Variants in SMAD3 observed in about 807,000 individuals in gnomAD.
SMAD3 encodes the protein MAD homolog 3.
Under a neutral mutation model 51.8 loss-of-function variants are expected in SMAD3, and 12 were observed. The ratio of observed to expected loss-of-function variants is 0.23; its 90% CI spans 0.15 to 0.38. The LOEUF is 0.38. Among genes scored for constraint, SMAD3 ranks in the 10% least tolerant of loss-of-function variants. The pLI is 1.00. For missense variants in SMAD3, 294 were observed against 565.6 expected (o/e 0.52, Z 4.87); for synonymous variants, 238 against 227.7 (o/e 1.05, Z -0.41).
intron 1 of SMAD3, among the ~76,000 whole-genome samples, chr15:67,136,255 G>A (rs1234921419): frequency 6.6e-6 from 1 of 152,010 alleles, no homozygotes; most frequent in Non-Finnish European, 1.5e-5. Context: ...ATACATTAAA[G>A]ATTGTGCCAT....
chr15:67,108,718 C>T (rs1338770234), intron 1 of SMAD3, among the ~76,000 whole-genome samples: 1 of 152,204 alleles, frequency 6.6e-6, no homozygotes, highest in Non-Finnish European at 1.5e-5. Flanking sequence ...TCATCTGGAC[C>T]ACAGCTCCCT....
intron 1 of SMAD3, chr15:67,138,227 G>A: frequency 1.4e-6 from 1 of 713,776 alleles, no homozygotes; most frequent in South Asian, 1.7e-5. Flanking sequence ...GTGGGGATGT[G>A]GACTCTTAGG....
chr15:67,121,366 C>T (rs1033893548), intron 1 of SMAD3, among the ~76,000 whole-genome samples: 9 of 152,170 alleles, frequency 5.9e-5, no homozygotes, highest in African/African-American at 1.4e-4. Flanking sequence ...CTGAGGGCAT[C>T]GTGGGTGGCT....
intron 1 of SMAD3, among the ~76,000 whole-genome samples, chr15:67,093,626 A>G (rs796847241): frequency 2.6e-5 from 4 of 152,316 alleles, no homozygotes; most frequent in African/African-American, 7.2e-5. Context: ...CTGGATCCCA[A>G]GGGGACAGAC....
chr15:67,159,982 T>C (rs1488931327), intron 1 of SMAD3, among the ~76,000 whole-genome samples: 1 of 152,228 alleles, frequency 6.6e-6, no homozygotes, highest in Admixed American at 6.5e-5. Context: ...TCTTTGGACA[T>C]AGGCTTTTAT....
chr15:67,168,111 C>T (rs950335755), intron 4 of SMAD3, among the ~76,000 whole-genome samples: 3 of 152,210 alleles, frequency 2.0e-5, no homozygotes, highest in Non-Finnish European at 2.9e-5. Flanking sequence ...TGCAGCACCA[C>T]GCCCGGCTCA....
chr15:67,105,523 C>T (rs1252575571), intron 1 of SMAD3, among the ~76,000 whole-genome samples: 2 of 152,182 alleles, frequency 1.3e-5, no homozygotes, highest in African/African-American at 4.8e-5. Flanking sequence ...GGCAGGGTGG[C>T]TGAGAGAATT....
intron 1 of SMAD3, among the ~76,000 whole-genome samples, chr15:67,153,468 G>A (rs979112689): frequency 2.4e-5 from 3 of 127,140 alleles, no homozygotes; most frequent in African/African-American, 5.8e-5. Flanking sequence ...TGGGCAACAA[G>A]AGCAAAACTC....
chr15:67,165,052 G>C lies in SMAD3; in HGVS notation c.364G>C (p.Val122Leu). 6.2e-7 allele frequency: 1 copy of C among 1,614,188 alleles called. No individual in the cohort carries two copies. The highest frequency in any genetic ancestry group is 8.5e-7 in the Non-Finnish European group (1 of 1,180,040). ...CAATATGAAGAAGGACGAGGTCTGCGTGAATCCCTACCACTACCAGAGAGT... is the reference window on the plus strand; with the variant it reads ...CAATATGAAGAAGGACGAGGTCTGCCTGAATCCCTACCACTACCAGAGAGT... ...AFNMKKDEVC[V>L]NPYHYQRVET... is the part of the protein sequence containing the mutation. The change falls in exon 2 of 9, where the codon GTG becomes CTG. Residue 122 changes from valine to leucine, a missense_variant. Val to Leu is a conservative substitution (Grantham distance 32). This residue lies in a region of SMAD3 where 147 missense variants were observed against 260.9 expected (regional missense o/e 0.56). Coordinates refer to ENST00000327367, the MANE Select transcript of SMAD3 (RefSeq NM_005902.4).
chr15:67,165,446 A>G lies in SMAD3; in HGVS notation c.532+62A>G, dbSNP rs921158553. On this transcript the variant is annotated intron_variant, in intron 3 of 8. Transcript: ENST00000327367. Reference sequence around the variant, plus strand: ...AGGGGCAGCGGTCAGCCCCGACATCAGTCCTGTGGCCCCAATCTCTGCCCC... The same window carrying G: ...AGGGGCAGCGGTCAGCCCCGACATCGGTCCTGTGGCCCCAATCTCTGCCCC... The G allele has an allele frequency of 4.4e-6, 7 of 1,593,218 alleles. No individual in the cohort carries two copies. The African/African-American group carries it at 5.4e-5, about 12-fold the overall frequency.
At chr15:67,126,033 C>T in intron 1 of SMAD3, 1 of 925,072 alleles carries the variant, frequency 1.1e-6, no homozygotes, top group Non-Finnish European at 1.3e-6. Flanking sequence ...GGGTATTTGT[C>T]ACTGAGAAGC....
chr15:67,073,974 C>T (rs1960112578), intron 1 of SMAD3, among the ~76,000 whole-genome samples: 1 of 152,208 alleles, frequency 6.6e-6, no homozygotes, highest in South Asian at 2.1e-4. Context: ...CGCCCGGCCA[C>T]ATACAAACAT....
intron 1 of SMAD3, among the ~76,000 whole-genome samples, chr15:67,116,054 T>G (rs555256668): frequency 6.6e-6 from 1 of 152,226 alleles, no homozygotes; most frequent in South Asian, 2.1e-4. Flanking sequence ...CAGAGAGAAA[T>G]CCACCCGAAG....
intron 1 of SMAD3, among the ~76,000 whole-genome samples, chr15:67,107,850 G>A (rs904745239): frequency 3.9e-5 from 6 of 152,174 alleles, no homozygotes; most frequent in Admixed American, 1.3e-4. Flanking sequence ...AGGATTATCT[G>A]AGGCTTGAGG....
At chr15:67,092,133 A>G (rs539615961) in intron 1 of SMAD3, among the ~76,000 whole-genome samples, 1 of 152,170 alleles carries the variant, frequency 6.6e-6, no homozygotes, top group South Asian at 2.1e-4. Context: ...AGAGCCTCCT[A>G]TTATTTAAAC....
At chr15:67,104,117 G>A (rs972441043) in intron 1 of SMAD3, among the ~76,000 whole-genome samples, 2 of 152,060 alleles carry the variant, frequency 1.3e-5, no homozygotes, top group African/African-American at 2.4e-5. Flanking sequence ...AGATAAGATC[G>A]GATTTCAGGA....
chr15:67,132,262 G>A (rs1342391473), intron 1 of SMAD3, among the ~76,000 whole-genome samples: 4 of 152,148 alleles, frequency 2.6e-5, no homozygotes, highest in African/African-American at 4.8e-5. Flanking sequence ...CCCATGCTGC[G>A]AACGTCTCAC....
chr15:67,091,882 A>G (rs1345900325), intron 1 of SMAD3, among the ~76,000 whole-genome samples: 1 of 152,228 alleles, frequency 6.6e-6, no homozygotes, highest in African/African-American at 2.4e-5. Flanking sequence ...TACACAGGTG[A>G]TAAAGCAGCT....
intron 1 of SMAD3, among the ~76,000 whole-genome samples, chr15:67,090,440 C>G (rs1043654667): frequency 6.6e-6 from 1 of 152,068 alleles, no homozygotes; most frequent in Admixed American, 6.5e-5. Context: ...ATCATCTAGC[C>G]CAACCCCATC....
Sources: gnomAD v4.1 joint callset for allele counts (sites outside exome capture counted in the v4.1 genomes callset) on GRCh38, gnomAD v4.1.1 for gene constraint, gnomAD v4.1.1 regional missense constraint, MANE v1.5 for transcripts, NCBI Gene and HGNC (gene_info 2026-07-23, HGNC 2026-07-21) for gene names.